Variants in FRYL observed in about 807,000 individuals in gnomAD.
FRYL encodes protein furry homolog-like.
A neutral mutation model predicts 351.2 loss-of-function variants in FRYL; 150 were observed. The ratio of observed to expected loss-of-function variants is 0.43; its 90% CI spans 0.37 to 0.49. The LOEUF (loss-of-function observed/expected upper bound fraction) is 0.49. Ranked by LOEUF, FRYL falls within the 20% of genes least tolerant of loss-of-function variation. FRYL has a pLI of 0.00. For missense variants in FRYL, 3,036 were observed against 3,619.3 expected (o/e 0.84, Z 4.13); for synonymous variants, 1,153 against 1,257.1 (o/e 0.92, Z 1.75).
Position 48,623,189 on chromosome 4 carries a change from A to G in FRYL, c.121-10T>C. 1 of 1,340,200 alleles carries G rather than the reference A, an allele frequency of 7.5e-7. No homozygotes were observed. Among genetic ancestry groups the G allele is most frequent in the Non-Finnish European group, 1.0e-6 (1 of 970,356 alleles). 83.0% of individuals were successfully genotyped at this position (1,340,200 alleles called of 1,614,324 possible). A position where few individuals can be genotyped will look rare whatever the true frequency, so the allele number is the denominator to read the frequency against. The stretch of plus-strand genomic sequence containing the variant: ...TGGACAATAGCTTCTCCTATGATTA[A>G]AAAAAACAAACATTAAAAATAAAAA... On this transcript the variant is annotated splice_polypyrimidine_tract_variant and intron_variant, in intron 4 of 63. Transcript: ENST00000358350.
intron 14 of FRYL, 40 bp downstream of exon 14, chr4:48,595,857 A>G: frequency 7.4e-7 from 1 of 1,359,314 alleles, no homozygotes. Flanking sequence ...TTTAAAAACA[A>G]GAATTTATTT....
At chr4:48,722,616 G>A (rs1276540175) in intron 1 of FRYL, among the ~76,000 whole-genome samples, 1 of 152,096 alleles carries the variant, frequency 6.6e-6, no homozygotes, top group African/African-American at 2.4e-5. Flanking sequence ...TCTGATCACA[G>A]TACAAAAAAC....
intron 57 of FRYL, among the ~76,000 whole-genome samples, chr4:48,512,185 C>A (rs1722623029): frequency 6.6e-6 from 1 of 152,070 alleles, no homozygotes; most frequent in Non-Finnish European, 1.5e-5. Flanking sequence ...AGAGCTTAGG[C>A]CTTTATTTCT....
At chr4:48,630,924 G>A (rs1385858781) in intron 4 of FRYL, among the ~76,000 whole-genome samples, 1 of 152,130 alleles carries the variant, frequency 6.6e-6, no homozygotes, top group Non-Finnish European at 1.5e-5. Flanking sequence ...TCTGAACCCA[G>A]AGAGTCATCT....
intron 1 of FRYL, among the ~76,000 whole-genome samples, chr4:48,711,786 C>A (rs550878109): frequency 6.6e-6 from 1 of 152,112 alleles, no homozygotes; most frequent in Non-Finnish European, 1.5e-5. Context: ...TGACCCCTGA[C>A]CCCCCGAGCA....
intron 1 of FRYL, among the ~76,000 whole-genome samples, chr4:48,769,485 T>C (rs1376916652): frequency 6.6e-6 from 1 of 152,222 alleles, no homozygotes; most frequent in East Asian, 1.9e-4. Context: ...TTTCCATATA[T>C]TGCTGGTGAA....
intron 23 of FRYL, among the ~76,000 whole-genome samples, chr4:48,578,053 T>C (rs1215325028): frequency 6.7e-6 from 1 of 149,832 alleles, no homozygotes; most frequent in Non-Finnish European, 1.5e-5. Context: ...TTTTAAAAAA[T>C]AAGATTGAAT....
intron 33 of FRYL, among the ~76,000 whole-genome samples, chr4:48,560,109 A>T (rs1735133645): frequency 6.6e-6 from 1 of 151,912 alleles, no homozygotes; most frequent in Non-Finnish European, 1.5e-5. Flanking sequence ...GGTGTGAAGG[A>T]GGGAAAGGAT....
rs1226492542 is a variant in FRYL at position 48,671,858 on chromosome 4, C to CAAAAAAAAAAAAAAAAA, written c.-81+12814_-81+12815insTTTTTTTTTTTTTTTTT. Among the ~76,000 whole-genome samples the CAAAAAAAAAAAAAAAAA allele has an allele frequency of 6.3e-4, 14 of 22,400 alleles. 1 individual carries two copies. The highest frequency in any genetic ancestry group is 1.9e-3 in the East Asian group (1 of 516). The allele number at this position is 22,400 out of a possible 152,430, so 14.7% of individuals were successfully genotyped here. A position where few individuals can be genotyped will look rare whatever the true frequency, so the allele number is the denominator to read the frequency against. On this transcript the variant is annotated intron_variant, in intron 3 of 63. Coordinates refer to ENST00000358350, the MANE Select transcript of FRYL (RefSeq NM_015030.2). ...AGAGAGAGAGACTCCGTCTCAAAAACAAAAAAAAAAAAAACAAAAAAAAAA... is the reference window on the plus strand; with the variant it reads ...AGAGAGAGAGACTCCGTCTCAAAAACAAAAAAAAAAAAAAAAAAAAAAAAAAAAAAACAAAAAAAAAA...
intron 1 of FRYL, among the ~76,000 whole-genome samples, chr4:48,768,415 G>C (rs1170864380): frequency 6.6e-6 from 1 of 152,190 alleles, no homozygotes; most frequent in Non-Finnish European, 1.5e-5. Context: ...AGGTAAAAAA[G>C]TGATTATTTT....
intron 55 of FRYL, among the ~76,000 whole-genome samples, chr4:48,518,239 C>A (rs995724439): frequency 6.6e-6 from 1 of 152,208 alleles, no homozygotes; most frequent in South Asian, 2.1e-4. Context: ...AACCTCCCAA[C>A]AACTGAAAGG....
rs756910540 is a variant in FRYL at position 48,540,806 on chromosome 4, C to T, written c.5842G>A (p.Gly1948Ser). Residue 1948 changes from glycine (G) to serine (S), a missense_variant, in exon 46 of 64, where the codon GGT becomes AGT. Around this residue, in one of 7 missense-constraint regions of FRYL, gnomAD observed 1,987 missense variants for 2,311.7 expected, o/e 0.86. Transcript: ENST00000358350. ...CGCCGCCGGTCACCTCGTCGGTCAC[C>T]AATCAAACTTAATCTCAAAGAGTTA... ...RSNSLRLSLIGDRRGDRRRSN... is the reference protein window; with the variant it reads ...RSNSLRLSLISDRRGDRRRSN... 12 of 1,613,954 alleles carry T rather than the reference C, an allele frequency of 7.4e-6. No homozygotes were observed. Among genetic ancestry groups the T allele is most frequent in the South Asian group, 1.1e-5 (1 of 91,068 alleles).
chr4:48,596,669 C>T (rs936713555), intron 13 of FRYL, among the ~76,000 whole-genome samples: 4 of 151,970 alleles, frequency 2.6e-5, no homozygotes, highest in East Asian at 1.9e-4. Context: ...ATGTATTAAA[C>T]GTTCATTGAC....
intron 18 of FRYL, among the ~76,000 whole-genome samples, chr4:48,587,216 T>A (rs1742281757): frequency 6.6e-6 from 1 of 152,082 alleles, no homozygotes. Context: ...GTGTTTATAT[T>A]GTTTGTTCTT....
chr4:48,629,223 G>GT (rs1294464005), intron 4 of FRYL, among the ~76,000 whole-genome samples: 2 of 151,976 alleles, frequency 1.3e-5, no homozygotes, highest in African/African-American at 4.8e-5. Flanking sequence ...TTTTGAAACC[G>GT]TAACAATGAC....
At chr4:48,654,161 G>C (rs867599516) in intron 3 of FRYL, among the ~76,000 whole-genome samples, 2 of 152,000 alleles carry the variant, frequency 1.3e-5, no homozygotes, top group South Asian at 4.2e-4. Context: ...AATCACGACT[G>C]CTAGTAAACA....
chr4:48,537,111 A>G (rs542312379), intron 47 of FRYL, among the ~76,000 whole-genome samples: 3 of 152,324 alleles, frequency 2.0e-5, no homozygotes, highest in Admixed American at 1.3e-4. Flanking sequence ...ACATATTATT[A>G]AAAATCGCAT....
At chr4:48,606,132 G>T (rs1746763807) in intron 10 of FRYL, among the ~76,000 whole-genome samples, 1 of 147,732 alleles carries the variant, frequency 6.8e-6, no homozygotes, top group Non-Finnish European at 1.5e-5. Flanking sequence ...AATTAGCCGG[G>T]CCTGGTGGCA....
At chr4:48,640,843 T>A (rs774020750) in intron 3 of FRYL, among the ~76,000 whole-genome samples, 55 of 152,256 alleles carry the variant, frequency 3.6e-4, no homozygotes, top group Non-Finnish European at 7.5e-4. Context: ...AACAAGCCTA[T>A]CCTATCCCTG....
Sources: allele counts gnomAD v4.1 joint callset (sites outside exome capture counted in the v4.1 genomes callset), GRCh38; gene constraint gnomAD v4.1.1; regional missense constraint gnomAD v4.1.1; transcripts MANE v1.5; gene names NCBI Gene and HGNC (gene_info 2026-07-23, HGNC 2026-07-21).